ZC3H13: variants seen among roughly 807,000 people sequenced by gnomAD.
The protein encoded by ZC3H13 is zinc finger CCCH domain-containing protein 13.
In ZC3H13, 64 loss-of-function variants were observed where a neutral mutation model predicts 204.1. The ratio of observed to expected loss-of-function variants is 0.31; its 90% CI spans 0.26 to 0.39. The LOEUF (loss-of-function observed/expected upper bound fraction) is 0.39. Ranked by LOEUF, ZC3H13 falls within the 10% of genes least tolerant of loss-of-function variation. ZC3H13 has a pLI of 1.00. For missense variants in ZC3H13, 1,833 were observed against 2,082.7 expected (o/e 0.88, Z 2.33); for synonymous variants, 667 against 693.7 (o/e 0.96, Z 0.60).
intron 1 of ZC3H13, among the ~76,000 whole-genome samples, chr13:46,048,715 A>C (rs1383329857): frequency 6.6e-6 from 1 of 152,112 alleles, no homozygotes; most frequent in Non-Finnish European, 1.5e-5. Flanking sequence ...CACAGAGACA[A>C]AATTGCTTTT....
intron 5 of ZC3H13, among the ~76,000 whole-genome samples, chr13:46,016,401 G>A (rs1168911463): frequency 1.3e-5 from 2 of 152,110 alleles, no homozygotes. Flanking sequence ...TAAGAATGAT[G>A]CAATAACAAT....
At chr13:46,013,345 C>A (rs999795744) in intron 5 of ZC3H13, among the ~76,000 whole-genome samples, 4 of 151,318 alleles carry the variant, frequency 2.6e-5, no homozygotes, top group Admixed American at 2.6e-4. Flanking sequence ...ACCCGGGAGA[C>A]GGAGGTTGCA....
In ZC3H13 at chr13:45,957,123, G is replaced by T. The variant is rs1476213673; in HGVS notation, c.*4C>A. On this transcript the variant is annotated 3_prime_UTR_variant, in exon 19 of 19. Transcript: ENST00000679008. Reference sequence around the variant, plus strand: ...TACCAAAAATACCATATTGAACTTCGGTCTTAAGACACACACAGTTCCTGT... The same window carrying T: ...TACCAAAAATACCATATTGAACTTCTGTCTTAAGACACACACAGTTCCTGT... 1 of 1,478,780 alleles carries T rather than the reference G, an allele frequency of 6.8e-7. No individual in the cohort carries two copies. Among genetic ancestry groups the T allele is most frequent in the South Asian group, 1.4e-5 (1 of 71,094 alleles). The allele number at this position is 1,478,780 out of a possible 1,614,324, so 91.6% of individuals were successfully genotyped here. A position where few individuals can be genotyped will look rare whatever the true frequency, so the allele number is the denominator to read the frequency against.
chr13:46,030,784 T>C (rs1367226406), intron 4 of ZC3H13, among the ~76,000 whole-genome samples: 1 of 152,144 alleles, frequency 6.6e-6, no homozygotes, highest in African/African-American at 2.4e-5. Flanking sequence ...AATTACAAAA[T>C]TGATTAAAGA....
rs893175000 is a variant in ZC3H13 at position 46,003,258 on chromosome 13, A to G, written c.825T>C (p.Ala275=). The change falls in exon 8 of 19, where the codon GCT becomes GCC. Residue 275 remains alanine (A), a synonymous_variant. Coordinates refer to ENST00000679008, the MANE Select transcript of ZC3H13 (RefSeq NM_001330564.2). Reference sequence around the variant, plus strand: ...ATTTTTCTTTGTATTTTTTCCCCAGAGCGATATCTTCTGGTATAGGAGGGG... The same window carrying G: ...ATTTTTCTTTGTATTTTTTCCCCAGGGCGATATCTTCTGGTATAGGAGGGG... ...SPPPPIPEDI[A]LGKKYKEKYK... The G allele has an allele frequency of 1.9e-6, 3 of 1,612,682 alleles. No individual in the cohort carries two copies. Among genetic ancestry groups the G allele is most frequent in the Non-Finnish European group, 1.7e-6 (2 of 1,179,720 alleles).
chr13:45,994,824 G>A (rs1407042672), intron 8 of ZC3H13, among the ~76,000 whole-genome samples: 1 of 152,130 alleles, frequency 6.6e-6, no homozygotes, highest in Non-Finnish European at 1.5e-5. Context: ...CCAAGAAACA[G>A]TAGATAATCC....
Position 45,967,888 on chromosome 13 carries a change from T to C in ZC3H13, c.3937A>G (p.Arg1313Gly), listed in dbSNP as rs1022277653. The change falls in exon 15 of 19, where the codon AGA (arginine) becomes GGA (glycine). Residue 1313 changes from arginine (R) to glycine (G), a missense_variant. By Grantham distance (125) the Arg-to-Gly change is moderately radical (BLOSUM62 -2). Around this residue, in one of 5 missense-constraint regions of ZC3H13, gnomAD observed 1,574 missense variants for 1,757.2 expected, o/e 0.90. Transcript: ENST00000679008. ...CTCTGCCTCGTATCTCTCCTCTCTC[T>C]CTCGCGCTCTCTGTCGTGTTCATAT... ...DRYEHDRERERERRDTRQREW... is the reference protein window; with the variant it reads ...DRYEHDREREGERRDTRQREW... 1 of 1,614,060 alleles carries C rather than the reference T, an allele frequency of 6.2e-7. No individual in the cohort carries two copies. Among genetic ancestry groups the C allele is most frequent in the Non-Finnish European group, 8.5e-7 (1 of 1,180,002 alleles).
chr13:45,969,420 A>G lies in ZC3H13; in HGVS notation c.3124T>C (p.Leu1042=). 1.2e-6 allele frequency: 2 copies of G among 1,613,958 alleles called. No homozygotes were observed. Among genetic ancestry groups the G allele is most frequent in the Non-Finnish European group, 1.7e-6 (2 of 1,179,988 alleles). The stretch of plus-strand genomic sequence containing the variant: ...TTCTTACCATTGCACATTTCAACCA[A>G]TTCCTCTTTAGTTGTTATAGGGGGA... ...RTPPITTKEE[L]VEMCNGKNGI... is the part of the protein sequence containing the mutation. The change falls in exon 14 of 19, where the codon TTG becomes CTG. Residue 1042 remains leucine, a synonymous_variant. Transcript: ENST00000679008.
At chr13:45,991,648 A>G (rs1266963137) in intron 8 of ZC3H13, among the ~76,000 whole-genome samples, 1 of 152,192 alleles carries the variant, frequency 6.6e-6, no homozygotes, top group Non-Finnish European at 1.5e-5. Context: ...TGAGGGAAAA[A>G]ATTAGTGAAA....
At chr13:46,038,917 G>T (rs571529709) in intron 4 of ZC3H13, among the ~76,000 whole-genome samples, 115 of 152,244 alleles carry the variant, frequency 7.6e-4, no homozygotes, top group African/African-American at 2.6e-3. Flanking sequence ...AGCTACTTGG[G>T]AGGCTGAGGC....
In ZC3H13 at chr13:45,969,250, A is replaced by G; in HGVS notation, c.3294T>C (p.Ser1098=). 2 of 1,614,084 alleles carry G rather than the reference A, an allele frequency of 1.2e-6. No individual in the cohort carries two copies. Among genetic ancestry groups the G allele is most frequent in the Non-Finnish European group, 1.7e-6 (2 of 1,180,010 alleles). Residue 1098 remains serine (S), a synonymous_variant, in exon 14 of 19, where the codon TCT becomes TCC. Coordinates refer to ENST00000679008, the MANE Select transcript of ZC3H13 (RefSeq NM_001330564.2). Reference sequence around the variant, plus strand: ...CAGGCGGTGGAGGAGGAAGAAGAGAAGATAGAGGAGAAGGGGTACTACCAG... The same window carrying G: ...CAGGCGGTGGAGGAGGAAGAAGAGAGGATAGAGGAGAAGGGGTACTACCAG... ...TTPGSTPSPL[S]SLLPPPPPVA...
At position 45,955,436 on chromosome 13, in the gene ZC3H13, G is replaced by A. The variant is rs887647592; in HGVS notation, c.*1691C>T. 6.6e-6 allele frequency: 1 copy of A among 152,062 alleles called. No individual in the cohort carries two copies. The highest frequency in any genetic ancestry group is 6.6e-5 in the Admixed American group (1 of 15,260). The allele number at this position is 152,062 out of a possible 1,614,324, so 9.4% of individuals were successfully genotyped here. On this transcript the variant is annotated 3_prime_UTR_variant, in exon 19 of 19. Transcript: ENST00000679008. Reference sequence around the variant, plus strand: ...AAGATTTCAAACTGAAAGACAACAGGTTTAACTGAATGACAGATTTAACTA... The same window carrying A: ...AAGATTTCAAACTGAAAGACAACAGATTTAACTGAATGACAGATTTAACTA...
intron 1 of ZC3H13, among the ~76,000 whole-genome samples, chr13:46,047,632 G>C (rs1335037160): frequency 6.6e-6 from 1 of 151,986 alleles, no homozygotes. Context: ...AAGTGGAGCT[G>C]AGAAAGATCT....
chr13:46,001,559 G>T (rs1176105772), intron 8 of ZC3H13: 1 of 152,094 alleles, frequency 6.6e-6, no homozygotes, highest in African/African-American at 2.4e-5. Context: ...ACCATTTAGG[G>T]ATAACCAAGG....
chr13:45,989,083 G>A lies in ZC3H13; in HGVS notation c.959C>T (p.Ala320Val). The part of the protein sequence containing the change: ...KRDKPRSTSP[A>V]GQHHSPISSR... Reference sequence around the variant, plus strand: ...AGATATAGGAGAATGATGCTGTCCTGCTGGGGAAGTAGACCTACAAGGGAA... The same window carrying A: ...AGATATAGGAGAATGATGCTGTCCTACTGGGGAAGTAGACCTACAAGGGAA... Residue 320 changes from alanine to valine, a missense_variant, in exon 9 of 19, where the codon GCA becomes GTA. Transcript: ENST00000679008. 2 of 1,613,290 alleles carry A rather than the reference G, an allele frequency of 1.2e-6. No homozygotes were observed. The highest frequency in any genetic ancestry group is 1.7e-6 in the Non-Finnish European group (2 of 1,179,282).
Position 46,010,323 on chromosome 13 carries a change from C to A in ZC3H13, c.746+25G>T, listed in dbSNP as rs745807570. Reference sequence around the variant, plus strand: ...ATCACTTCAGAAAAAGCTATTTTCTCGATACTATTTATCACCCTACTGACC... The same window carrying A: ...ATCACTTCAGAAAAAGCTATTTTCTAGATACTATTTATCACCCTACTGACC... On this transcript the variant is annotated intron_variant, in intron 7 of 18. Transcript: ENST00000679008. 26 of 1,523,036 alleles carry A rather than the reference C, an allele frequency of 1.7e-5. No individual in the cohort carries two copies. In the Middle Eastern group the frequency reaches 8.9e-4, roughly 52 times the overall value. The allele number at this position is 1,523,036 out of a possible 1,614,324, so 94.3% of individuals were successfully genotyped here. A position where few individuals can be genotyped will look rare whatever the true frequency, so the allele number is the denominator to read the frequency against.
At chr13:45,988,721 T>C (rs2039740595) in intron 9 of ZC3H13, 66 bp downstream of exon 9, 2 of 1,518,096 alleles carry the variant, frequency 1.3e-6, no homozygotes, top group Admixed American at 2.0e-5. Context: ...TTTCTCCATC[T>C]CTTAGTACAA....
At chr13:46,044,350 A>G (rs897371915) in intron 3 of ZC3H13, among the ~76,000 whole-genome samples, 1 of 152,078 alleles carries the variant, frequency 6.6e-6, no homozygotes, top group Non-Finnish European at 1.5e-5. Context: ...ATACCATAAA[A>G]TAATCATCAT....
chr13:45,975,443 G>A lies in ZC3H13; in HGVS notation c.2308C>T (p.Arg770Ter). ...RERERERERE[R>*]ERERERARER... is the part of the protein sequence containing the mutation. ...CTCGCTCTTTCTCGTTCCCGTTCTC[G>A]CTCTCGCTCTCTCTCCCGTTCTCGC... The change falls in exon 12 of 19, where the codon CGA becomes TGA. Residue 770 changes from arginine (R) to a stop codon, truncating the protein, a stop_gained. Coordinates refer to ENST00000679008, the MANE Select transcript of ZC3H13 (RefSeq NM_001330564.2). LOFTEE classifies it high-confidence loss of function. The A allele has an allele frequency of 6.2e-7, 1 of 1,610,194 alleles. No homozygotes were observed. Among genetic ancestry groups the A allele is most frequent in the Admixed American group, 1.7e-5 (1 of 59,624 alleles).
Sources: allele counts gnomAD v4.1 joint callset (sites outside exome capture counted in the v4.1 genomes callset), GRCh38; gene constraint gnomAD v4.1.1; regional missense constraint gnomAD v4.1.1; transcripts MANE v1.5; gene names NCBI Gene and HGNC (gene_info 2026-07-23, HGNC 2026-07-21).